The following NFAM1 variants were observed in gnomAD, a reference collection of about 807,000 sequenced individuals.
NFAM1 encodes the protein NFAT activating protein with ITAM motif 1.
NFAM1 carries 17 observed loss-of-function variants against 29.0 expected under a neutral mutation model. The observed-to-expected ratio is 0.59, with a 90% CI of 0.40 to 0.88. The LOEUF (loss-of-function observed/expected upper bound fraction) is 0.88. NFAM1 is among the 40% of genes least tolerant of loss of function. The pLI is 0.00. For missense variants in NFAM1, 324 were observed against 344.6 expected (o/e 0.94, Z 0.47); for synonymous variants, 175 against 147.2 (o/e 1.19, Z -1.36).
At chr22:42,386,869 A>T (rs1454532082) in intron 5 of NFAM1, 120 bp downstream of exon 5, 1 of 600,044 alleles carries the variant, frequency 1.7e-6, no homozygotes. Flanking sequence ...CCACCAGGAG[A>T]TGGCTGGGAT....
rs1929091104 is a variant in NFAM1 at position 42,385,140 on chromosome 22, CTA to C, written c.*19_*20del. 3 of 1,606,056 alleles carry C rather than the reference CTA, an allele frequency of 1.9e-6. No individual in the cohort carries two copies. Among genetic ancestry groups the C allele is most frequent in the Non-Finnish European group, 2.6e-6 (3 of 1,173,044 alleles). On this transcript the variant is annotated 3_prime_UTR_variant, in exon 6 of 6. Coordinates refer to ENST00000329021, the MANE Select transcript of NFAM1 (RefSeq NM_145912.8). ...CCGGTCCTCTGACCCAGGGCAAGCT[CTA>C]TGAGCGGTGGAGCCCATCCTAGAGA... is the stretch of plus-strand genomic sequence containing the variant.
intron 1 of NFAM1, among the ~76,000 whole-genome samples, chr22:42,428,561 C>A (rs965500130): frequency 8.5e-5 from 13 of 152,168 alleles, no homozygotes; most frequent in African/African-American, 2.9e-4. Context: ...CCTGCCTCAG[C>A]CTCCTGAGTA....
intron 2 of NFAM1, 50 bp downstream of exon 2, chr22:42,411,357 T>A: frequency 6.9e-7 from 1 of 1,449,194 alleles, no homozygotes; most frequent in Non-Finnish European, 9.5e-7. Flanking sequence ...AAACTGCCAT[T>A]TGAAACCTCT....
chr22:42,387,204 A>C (rs1929179635), intron 4 of NFAM1, 126 bp from the exon 5 acceptor site: 1 of 531,948 alleles, frequency 1.9e-6, no homozygotes. Flanking sequence ...AAGCCCAGCC[A>C]CACCTTTGCA....
At chr22:42,435,999 T>A (rs1210160771), upstream of NFAM1, among the ~76,000 whole-genome samples, 2 of 151,908 alleles carry the variant, frequency 1.3e-5, no homozygotes, top group Non-Finnish European at 2.9e-5. Context: ...TTTGTATTTT[T>A]AGTAGAGATA....
chr22:42,396,614 G>A (rs1929534425), intron 4 of NFAM1, among the ~76,000 whole-genome samples: 1 of 152,098 alleles, frequency 6.6e-6, no homozygotes, highest in Non-Finnish European at 1.5e-5. Flanking sequence ...ATACCACTAT[G>A]AGATGCTGGG....
chr22:42,386,620 G>C (rs930980872), intron 5 of NFAM1, among the ~76,000 whole-genome samples: 2 of 152,232 alleles, frequency 1.3e-5, no homozygotes, highest in Non-Finnish European at 2.9e-5. Context: ...TGTGGACACT[G>C]TGCCCAGTGA....
intron 3 of NFAM1, among the ~76,000 whole-genome samples, chr22:42,404,059 C>G (rs1349940163): frequency 6.6e-6 from 1 of 152,182 alleles, no homozygotes; most frequent in Non-Finnish European, 1.5e-5. Flanking sequence ...CCCCATCCCT[C>G]CTGCCCCAGC....
At chr22:42,398,035 T>C (rs1315644866) in intron 3 of NFAM1, 79 bp from the exon 4 acceptor site, 1 of 722,082 alleles carries the variant, frequency 1.4e-6, no homozygotes, top group Non-Finnish European at 2.4e-6. Flanking sequence ...GGGGAAAGGA[T>C]GGCAGATTGT....
the NFAM1 span, among the ~76,000 whole-genome samples, chr22:42,437,808 C>CG: frequency 3.3e-5 from 5 of 152,064 alleles, no homozygotes; most frequent in African/African-American, 1.2e-4. Flanking sequence ...GTGGGGGTTC[C>CG]GGGGGGGTCC....
intron 3 of NFAM1, among the ~76,000 whole-genome samples, chr22:42,404,550 A>G (rs901487314): frequency 1.3e-5 from 2 of 151,972 alleles, no homozygotes; most frequent in Non-Finnish European, 2.9e-5. Flanking sequence ...CGTTCTCCCC[A>G]GGTACAGAGG....
chr22:42,393,877 C>G (rs555103033), intron 4 of NFAM1, among the ~76,000 whole-genome samples: 2 of 152,026 alleles, frequency 1.3e-5, no homozygotes. Flanking sequence ...GGTTTTTAAT[C>G]CTTTTGAATT....
chr22:42,399,862 C>T (rs985188783), intron 3 of NFAM1, among the ~76,000 whole-genome samples: 8 of 152,216 alleles, frequency 5.3e-5, no homozygotes, highest in Non-Finnish European at 8.8e-5. Context: ...CCATTTACTG[C>T]GGGATTAGCT....
chr22:42,395,182 A>T (rs6002720), intron 4 of NFAM1, among the ~76,000 whole-genome samples: 98 of 151,412 alleles, frequency 6.5e-4, no homozygotes, highest in African/African-American at 2.3e-3. Context: ...TCAAAAAAAA[A>T]AATAAAACAG....
At chr22:42,428,574 T>C (rs1930699448) in intron 1 of NFAM1, among the ~76,000 whole-genome samples, 1 of 152,148 alleles carries the variant, frequency 6.6e-6, no homozygotes, top group African/African-American at 2.4e-5. Context: ...CCTGAGTAGC[T>C]GGGATTACAG....
chr22:42,387,263 A>G (rs1321637329), intron 4 of NFAM1, among the ~76,000 whole-genome samples, 185 bp from the exon 5 acceptor site: 2 of 151,990 alleles, frequency 1.3e-5, no homozygotes. Flanking sequence ...CTGCCTGTAA[A>G]GGGCTGACCC....
intron 1 of NFAM1, among the ~76,000 whole-genome samples, chr22:42,413,227 A>G (rs1484121885): frequency 6.6e-6 from 1 of 152,126 alleles, no homozygotes; most frequent in Non-Finnish European, 1.5e-5. Context: ...TGCTCAGAGG[A>G]GCCGCAAGAT....
At chr22:42,395,896 AAG>A (rs1555969279) in intron 4 of NFAM1, among the ~76,000 whole-genome samples, 8 of 151,308 alleles carry the variant, frequency 5.3e-5, no homozygotes, top group East Asian at 1.9e-4. Flanking sequence ...AAAAAAAAAA[AAG>A]AAAGAAAAGA....
chr22:42,384,263 A>G lies in NFAM1; in HGVS notation c.*898T>C. 6.5e-6 allele frequency: 1 copy of G among 153,662 alleles called. No homozygotes were observed. Among genetic ancestry groups the G allele is most frequent in the Non-Finnish European group, 1.5e-5 (1 of 68,870 alleles). The allele number at this position is 153,662 out of a possible 1,614,324, so 9.5% of individuals were successfully genotyped here. ...GGGGGACTCCACCTTGGGTAGAAGG[A>G]GGGACAGCTGAGGTCCTGTGGTGGA... On this transcript the variant is annotated 3_prime_UTR_variant, in exon 6 of 6. Coordinates refer to ENST00000329021, the MANE Select transcript of NFAM1 (RefSeq NM_145912.8).
Sources: gnomAD v4.1 joint callset for allele counts (sites outside exome capture counted in the v4.1 genomes callset) on GRCh38, gnomAD v4.1.1 for gene constraint, MANE v1.5 for transcripts, NCBI Gene and HGNC (gene_info 2026-07-23, HGNC 2026-07-21) for gene names.